The following TRIM44 variants were observed in gnomAD, a reference collection of about 807,000 sequenced individuals.
TRIM44 encodes tripartite motif containing 44.
In TRIM44, 13 loss-of-function variants were observed where a neutral mutation model predicts 37.4. That is an observed-to-expected ratio of 0.35 (90% CI 0.23 to 0.55). The LOEUF is 0.55. Ranked by LOEUF, TRIM44 falls within the 20% of genes least tolerant of loss-of-function variation. The pLI, the probability that TRIM44 is intolerant of heterozygous loss-of-function variation, is 0.89. For missense variants in TRIM44, 426 were observed against 437.2 expected, an observed-to-expected ratio of 0.97 and a Z score of 0.23; for synonymous variants, 175 against 157.2, an observed-to-expected ratio of 1.11 and a Z score of -0.85.
chr11:35,757,685 T>G (rs1393814020), intron 4 of TRIM44, among the ~76,000 whole-genome samples: 1 of 152,244 alleles, frequency 6.6e-6, no homozygotes, highest in Non-Finnish European at 1.5e-5. Context: ...TCCCAGAGAT[T>G]CTGGTATGCT....
chr11:35,703,331 G>A (rs890423257), intron 2 of TRIM44, among the ~76,000 whole-genome samples: 4 of 152,228 alleles, frequency 2.6e-5, no homozygotes, highest in African/African-American at 4.8e-5. Context: ...TGGGGGCGGG[G>A]CACAGACAAA....
intron 4 of TRIM44, among the ~76,000 whole-genome samples, chr11:35,753,974 G>T (rs955990130): frequency 1.3e-5 from 2 of 151,830 alleles, no homozygotes; most frequent in Admixed American, 1.3e-4. Flanking sequence ...AACCCAGGAG[G>T]CCAAGGCTGC....
At chr11:35,695,382 G>A (rs943524246) in intron 2 of TRIM44, among the ~76,000 whole-genome samples, 1 of 152,054 alleles carries the variant, frequency 6.6e-6, no homozygotes, top group Non-Finnish European at 1.5e-5. Context: ...TTCATATTGT[G>A]TATCTAAACA....
At chr11:35,757,199 A>G (rs1175612922) in intron 4 of TRIM44, among the ~76,000 whole-genome samples, 2 of 152,196 alleles carry the variant, frequency 1.3e-5, no homozygotes, top group Non-Finnish European at 2.9e-5. Context: ...TGGTCTATTC[A>G]GAGATTCAGC....
intron 4 of TRIM44, among the ~76,000 whole-genome samples, chr11:35,763,245 GA>G (rs1203535055): frequency 6.6e-6 from 1 of 152,124 alleles, no homozygotes; most frequent in African/African-American, 2.4e-5. Context: ...AGTGATTTCA[GA>G]TGGAGAGAAA....
At chr11:35,736,924 C>T (rs1485300017) in intron 4 of TRIM44, among the ~76,000 whole-genome samples, 3 of 152,116 alleles carry the variant, frequency 2.0e-5, no homozygotes, top group Non-Finnish European at 2.9e-5. Flanking sequence ...GTGCTACATC[C>T]TGGGTATATC....
intron 4 of TRIM44, among the ~76,000 whole-genome samples, chr11:35,770,425 A>G (rs1330369936): frequency 6.6e-6 from 1 of 152,206 alleles, no homozygotes; most frequent in East Asian, 1.9e-4. Context: ...ATACCCAGTA[A>G]TGGGATTGCT....
intron 1 of TRIM44, among the ~76,000 whole-genome samples, chr11:35,682,470 G>A (rs752326208): frequency 9.2e-5 from 14 of 152,142 alleles, no homozygotes; most frequent in Non-Finnish European, 1.6e-4. Context: ...TCAGGGTCAG[G>A]TCTGCCCCGA....
Position 35,666,738 on chromosome 11 carries a change from G to A in TRIM44, c.669+2958G>A, listed in dbSNP as rs201853776. Among the ~76,000 whole-genome samples, 27 of 152,254 alleles carry A rather than the reference G, an allele frequency of 1.8e-4. 1 individual carries two copies. The East Asian group carries it at 3.5e-3, about 20-fold the overall frequency. On this transcript the variant is annotated intron_variant, in intron 1 of 4. Transcript: ENST00000299413. ...CCTGCCATTTCCCTCCAGCCTGGTC[G>A]ACACGGCAAGACCCTATCTCTAAAA... is the stretch of plus-strand genomic sequence containing the variant.
intron 4 of TRIM44, among the ~76,000 whole-genome samples, chr11:35,756,902 G>T (rs920439611): frequency 6.6e-6 from 1 of 152,204 alleles, no homozygotes; most frequent in African/African-American, 2.4e-5. Flanking sequence ...GCTGGATTCG[G>T]TTTGCCAGTA....
In TRIM44 at chr11:35,813,989, G is replaced by A. The variant is rs1853554601; in HGVS notation, c.*7604G>A. The A allele has an allele frequency of 6.6e-6, 1 of 152,116 alleles. No homozygotes were observed. Among genetic ancestry groups the A allele is most frequent in the Non-Finnish European group, 1.5e-5 (1 of 68,032 alleles). 9.4% of individuals were successfully genotyped at this position (152,116 alleles called of 1,614,324 possible). The stretch of plus-strand genomic sequence containing the variant: ...AGTGGAGGTGCCAACTTTCCAATGT[G>A]ATGAATAAAACTAATAACTAGAATA... On this transcript the variant is annotated 3_prime_UTR_variant, in exon 5 of 5. Coordinates refer to ENST00000299413, the MANE Select transcript of TRIM44 (RefSeq NM_017583.6).
At chr11:35,803,099 CTG>C (rs1463238828) in intron 4 of TRIM44, among the ~76,000 whole-genome samples, 1 of 152,218 alleles carries the variant, frequency 6.6e-6, no homozygotes, top group African/African-American at 2.4e-5. Flanking sequence ...GATGAGGAAA[CTG>C]AGATTCAGAG....
Position 35,770,804 on chromosome 11 carries a change from T to C in TRIM44, c.1007+35359T>C, listed in dbSNP as rs1852858405. Among the ~76,000 whole-genome samples, 2 of 152,218 alleles carry C rather than the reference T, an allele frequency of 1.3e-5. 1 individual carries two copies. Among genetic ancestry groups the C allele is most frequent in the Middle Eastern group, 6.8e-3 (2 of 294 alleles). Reference sequence around the variant, plus strand: ...GATAATTTGAATTATGGGGGCAGTTTCCCCCATACTGTTCTTGTGGTAGCG... The same window carrying C: ...GATAATTTGAATTATGGGGGCAGTTCCCCCCATACTGTTCTTGTGGTAGCG... On this transcript the variant is annotated intron_variant, in intron 4 of 4. Transcript: ENST00000299413.
At chr11:35,794,070 C>T (rs1275570296) in intron 4 of TRIM44, among the ~76,000 whole-genome samples, 1 of 152,146 alleles carries the variant, frequency 6.6e-6, no homozygotes, top group Non-Finnish European at 1.5e-5. Context: ...CTAATGCATG[C>T]TGGAATGGGG....
At chr11:35,693,420 T>G (rs1302373771) in intron 2 of TRIM44, among the ~76,000 whole-genome samples, 1 of 151,954 alleles carries the variant, frequency 6.6e-6, no homozygotes, top group East Asian at 1.9e-4. Context: ...AGTAGAACAG[T>G]GAGTCTTGCA....
intron 2 of TRIM44, among the ~76,000 whole-genome samples, chr11:35,722,753 A>G (rs1319912103): frequency 6.6e-6 from 1 of 152,160 alleles, no homozygotes. Flanking sequence ...CCGACCTCTT[A>G]TCTCATCCTA....
At chr11:35,693,725 C>T (rs1375038225) in intron 2 of TRIM44, among the ~76,000 whole-genome samples, 1 of 152,080 alleles carries the variant, frequency 6.6e-6, no homozygotes, top group East Asian at 1.9e-4. Context: ...GCCTCAGCAC[C>T]ACCCTCAGTT....
chr11:35,795,764 G>A (rs1439263303), intron 4 of TRIM44, among the ~76,000 whole-genome samples: 1 of 152,156 alleles, frequency 6.6e-6, no homozygotes, highest in Admixed American at 6.5e-5. Flanking sequence ...TCAGGAGCCA[G>A]AAACTGACTT....
At chr11:35,786,945 C>T (rs976823409) in intron 4 of TRIM44, among the ~76,000 whole-genome samples, 3 of 152,130 alleles carry the variant, frequency 2.0e-5, no homozygotes, top group African/African-American at 7.2e-5. Flanking sequence ...GACGCTTTCC[C>T]TTCTGCCCTC....
Sources: allele counts gnomAD v4.1 joint callset (sites outside exome capture counted in the v4.1 genomes callset), GRCh38; gene constraint gnomAD v4.1.1; transcripts MANE v1.5; gene names NCBI Gene and HGNC (gene_info 2026-07-23, HGNC 2026-07-21).